The following ARHGAP15 variants were observed in gnomAD, a reference collection of about 807,000 sequenced individuals.
ARHGAP15 encodes Rho GTPase activating protein 15, also known as rho GTPase-activating protein 15.
ARHGAP15 carries 51 observed loss-of-function variants against 63.7 expected under a neutral mutation model. The ratio of observed to expected loss-of-function variants is 0.80; its 90% CI spans 0.64 to 1.01. The LOEUF (loss-of-function observed/expected upper bound fraction) is 1.01. Among genes scored for constraint, ARHGAP15 ranks in the 50% least tolerant of loss-of-function variants. ARHGAP15 has a pLI of 0.00. For missense variants in ARHGAP15, 560 were observed against 564.6 expected (o/e 0.99, Z 0.08); for synonymous variants, 191 against 193.8 (o/e 0.99, Z 0.12).
intron 6 of ARHGAP15, among the ~76,000 whole-genome samples, chr2:143,389,302 C>T (rs1574377259): frequency 2.6e-5 from 4 of 152,168 alleles, no homozygotes; most frequent in Middle Eastern, 6.8e-3. Context: ...CTCTGTAATA[C>T]TTGACTCTCC....
rs1488904777 is a variant in ARHGAP15, at chr2:143,244,494, TG to T, written c.385-6016del. Among the ~76,000 whole-genome samples the T allele has an allele frequency of 1.3e-5, 2 of 152,136 alleles. 1 individual carries two copies. Among genetic ancestry groups the T allele is most frequent in the Non-Finnish European group, 2.9e-5 (2 of 68,030 alleles). ...AGGGTAGATTGAAGAGAGAGATAAA[TG>T]TATTTCAGATGAAAAGAATGAATGC... On this transcript the variant is annotated intron_variant, in intron 5 of 13. Transcript: ENST00000295095.
chr2:143,664,109 AT>A (rs1169967832), intron 12 of ARHGAP15, among the ~76,000 whole-genome samples: 13 of 151,940 alleles, frequency 8.6e-5, no homozygotes, highest in African/African-American at 2.4e-4. Flanking sequence ...CAGAATATAC[AT>A]TTTTTTCAGC....
intron 13 of ARHGAP15, among the ~76,000 whole-genome samples, chr2:143,748,508 A>G (rs571578027): frequency 2.2e-4 from 34 of 152,336 alleles, no homozygotes; most frequent in African/African-American, 7.9e-4. Context: ...AGGCTTTGCC[A>G]AGAAAATTTT....
intron 11 of ARHGAP15, among the ~76,000 whole-genome samples, chr2:143,620,457 T>A (rs1038536751): frequency 1.3e-5 from 2 of 152,212 alleles, no homozygotes; most frequent in African/African-American, 2.4e-5. Flanking sequence ...AGTTTACAGG[T>A]AAAAGCATAG....
chr2:143,327,448 A>C (rs1340313636), intron 6 of ARHGAP15, among the ~76,000 whole-genome samples: 1 of 152,216 alleles, frequency 6.6e-6, no homozygotes, highest in Non-Finnish European at 1.5e-5. Flanking sequence ...AGACAATCCT[A>C]AGTAAAAAGA....
chr2:143,139,225 T>G (rs1689265001), intron 1 of ARHGAP15, among the ~76,000 whole-genome samples: 1 of 152,148 alleles, frequency 6.6e-6, no homozygotes, highest in East Asian at 1.9e-4. Flanking sequence ...ATTTTTGCCT[T>G]CCTTCCAATT....
chr2:143,155,518 TC>T lies in ARHGAP15; in HGVS notation c.30del (p.Val11TrpfsTer4). 1 of 1,607,650 alleles carries T rather than the reference TC, an allele frequency of 6.2e-7. No individual in the cohort carries two copies. The highest frequency in any genetic ancestry group is 8.5e-7 in the Non-Finnish European group (1 of 1,177,524). ...GCAGAAATCTACAAATTCTGATACT[TC>T]CGTGGAAACACTGAATTCTACCCGC... MQKSTNSDT[S>X]VETLNSTRQG... On this transcript the variant is annotated frameshift_variant, in exon 2 of 14. Coordinates refer to ENST00000295095, the MANE Select transcript of ARHGAP15 (RefSeq NM_018460.4). LOFTEE classifies it high-confidence loss of function.
At chr2:143,348,305 T>A (rs1015527394) in intron 6 of ARHGAP15, among the ~76,000 whole-genome samples, 1 of 152,202 alleles carries the variant, frequency 6.6e-6, no homozygotes, top group African/African-American at 2.4e-5. Flanking sequence ...GTTATGTAAA[T>A]TCTGACAGTC....
At chr2:143,275,105 C>T (rs1007326311) in intron 6 of ARHGAP15, among the ~76,000 whole-genome samples, 11 of 152,076 alleles carry the variant, frequency 7.2e-5, no homozygotes, top group African/African-American at 2.7e-4. Context: ...TTGCAGTGAG[C>T]CAAGATGGCA....
chr2:143,203,923 A>G (rs1692224656), intron 3 of ARHGAP15, among the ~76,000 whole-genome samples: 1 of 152,092 alleles, frequency 6.6e-6, no homozygotes, highest in Non-Finnish European at 1.5e-5. Flanking sequence ...CAGTTCTAAT[A>G]TACATCCTAA....
chr2:143,270,723 A>C (rs1262521354), intron 6 of ARHGAP15, among the ~76,000 whole-genome samples: 1 of 152,186 alleles, frequency 6.6e-6, no homozygotes, highest in Non-Finnish European at 1.5e-5. Flanking sequence ...CTAGAAAATC[A>C]AGTCTCCTGG....
intron 4 of ARHGAP15, among the ~76,000 whole-genome samples, chr2:143,220,323 C>T (rs983161041): frequency 3.9e-5 from 6 of 151,998 alleles, no homozygotes; most frequent in South Asian, 2.1e-4. Context: ...CCACCTTATG[C>T]GGGGATAAAT....
At chr2:143,751,875 A>C (rs1686390213) in intron 13 of ARHGAP15, among the ~76,000 whole-genome samples, 2 of 152,140 alleles carry the variant, frequency 1.3e-5, no homozygotes, top group Non-Finnish European at 2.9e-5. Flanking sequence ...ATCACAGTTA[A>C]TTATACCTGC....
chr2:143,551,649 T>C (rs1695568603), intron 10 of ARHGAP15, among the ~76,000 whole-genome samples: 2 of 152,186 alleles, frequency 1.3e-5, no homozygotes, highest in East Asian at 3.9e-4. Context: ...TCCTATAGAA[T>C]AAAATGATTC....
chr2:143,594,373 G>A (rs911400458), intron 11 of ARHGAP15, among the ~76,000 whole-genome samples: 1 of 152,180 alleles, frequency 6.6e-6, no homozygotes, highest in Admixed American at 6.5e-5. Context: ...AACAATGTAA[G>A]CAAATCGTTC....
intron 6 of ARHGAP15, among the ~76,000 whole-genome samples, chr2:143,258,546 CA>C (rs1680541474): frequency 6.6e-6 from 1 of 151,996 alleles, no homozygotes; most frequent in Non-Finnish European, 1.5e-5. Flanking sequence ...AAAAAAAATT[CA>C]AAAGGATATA....
chr2:143,383,115 C>A (rs889952735), intron 6 of ARHGAP15, among the ~76,000 whole-genome samples: 1 of 152,018 alleles, frequency 6.6e-6, no homozygotes, highest in African/African-American at 2.4e-5. Flanking sequence ...ACTGTGATGC[C>A]CTGTTTCAGT....
intron 11 of ARHGAP15, among the ~76,000 whole-genome samples, chr2:143,595,308 G>A (rs141484868): frequency 0.011 from 1,604 of 151,986 alleles, 27 homozygotes; most frequent in African/African-American, 0.036. Flanking sequence ...TCAGATCCTC[G>A]GCCCTTCCTA....
At chr2:143,552,056 C>T (rs928974504) in intron 10 of ARHGAP15, among the ~76,000 whole-genome samples, 4 of 152,102 alleles carry the variant, frequency 2.6e-5, no homozygotes, top group African/African-American at 9.7e-5. Context: ...AGATTTTCGC[C>T]GGAGGGAGAA....
Sources: gnomAD v4.1 joint callset for allele counts (sites outside exome capture counted in the v4.1 genomes callset) on GRCh38, gnomAD v4.1.1 for gene constraint, MANE v1.5 for transcripts, NCBI Gene and HGNC (gene_info 2026-07-23, HGNC 2026-07-21) for gene names.